Variants in MAP2K6 observed in about 807,000 individuals in gnomAD.
MAP2K6 encodes dual specificity mitogen-activated protein kinase kinase 6.
A neutral mutation model predicts 53.7 loss-of-function variants in MAP2K6; 16 were observed. That is an observed-to-expected ratio of 0.30 (90% CI 0.20 to 0.45). The LOEUF (loss-of-function observed/expected upper bound fraction) is 0.45. Ranked by LOEUF, MAP2K6 falls within the 20% of genes least tolerant of loss-of-function variation. The probability of loss-of-function intolerance (pLI) is 1.00; values close to 1 mark genes in which losing one functional copy is unlikely to be tolerated. For missense variants in MAP2K6, 204 were observed against 411.9 expected (o/e 0.50, Z 4.37); for synonymous variants, 132 against 143.1 (o/e 0.92, Z 0.55).
chr17:69,497,913 A>G (rs1909007441), intron 1 of MAP2K6, among the ~76,000 whole-genome samples: 1 of 152,236 alleles, frequency 6.6e-6, no homozygotes, highest in African/African-American at 2.4e-5. Flanking sequence ...TACCAAAATC[A>G]AAGGGCCACT....
chr17:69,465,263 G>A (rs1208621716), intron 1 of MAP2K6, among the ~76,000 whole-genome samples: 1 of 151,370 alleles, frequency 6.6e-6, no homozygotes, highest in Non-Finnish European at 1.5e-5. Context: ...ATGACTGCCT[G>A]GAACACAAAG....
At chr17:69,522,090 T>C (rs1361779944) in intron 7 of MAP2K6, among the ~76,000 whole-genome samples, 1 of 152,168 alleles carries the variant, frequency 6.6e-6, no homozygotes, top group Non-Finnish European at 1.5e-5. Context: ...GGGAAACTTC[T>C]GGGAAGAGAT....
At position 69,485,704 on chromosome 17, in the gene MAP2K6, A is replaced by G. The variant is rs143196078; in HGVS notation, c.17-20076A>G. On this transcript the variant is annotated intron_variant, in intron 1 of 11. Coordinates refer to ENST00000590474, the MANE Select transcript of MAP2K6 (RefSeq NM_002758.4). ...TTTCCTTCTTGTCTTAAAGAGAGAC[A>G]TCCTTCACTCCTGTCTCTGAGGCTA... Among the ~76,000 whole-genome samples the G allele has an allele frequency of 5.3e-4, 80 of 152,222 alleles. No homozygotes were observed. In the East Asian group the frequency reaches 0.014, roughly 28 times the overall value.
chr17:69,498,541 G>A (rs965155567), intron 1 of MAP2K6, among the ~76,000 whole-genome samples: 2 of 152,062 alleles, frequency 1.3e-5, no homozygotes, highest in African/African-American at 4.8e-5. Context: ...AGGATTGCAA[G>A]TGTGGCTTCA....
rs1220993158 is a variant in MAP2K6, at chr17:69,545,777, T to G, written c.*4024T>G. On this transcript the variant is annotated 3_prime_UTR_variant, in exon 12 of 12. Transcript: ENST00000590474. ...GACTCACGCCTGTAATCCCAGCACTTTGGGAGGCTGAGGCAGGTGGATCAC... is the reference window on the plus strand; with the variant it reads ...GACTCACGCCTGTAATCCCAGCACTGTGGGAGGCTGAGGCAGGTGGATCAC... 11 of 152,320 alleles carry G rather than the reference T, an allele frequency of 7.2e-5. No homozygotes were observed. The East Asian group carries it at 2.1e-3, about 29-fold the overall frequency. The allele number at this position is 152,320 out of a possible 1,614,324, so 9.4% of individuals were successfully genotyped here. A position where few individuals can be genotyped will look rare whatever the true frequency, so the allele number is the denominator to read the frequency against.
chr17:69,448,728 C>T (rs1205700987), intron 1 of MAP2K6, among the ~76,000 whole-genome samples: 1 of 152,166 alleles, frequency 6.6e-6, no homozygotes, highest in Non-Finnish European at 1.5e-5. Flanking sequence ...GGCCGGATGT[C>T]CTCCTGCTGC....
At chr17:69,470,214 C>A (rs1567829394) in intron 1 of MAP2K6, among the ~76,000 whole-genome samples, 1 of 152,044 alleles carries the variant, frequency 6.6e-6, no homozygotes, top group African/African-American at 2.4e-5. Context: ...AGAAAGAAAA[C>A]CATAAAGTAG....
intron 9 of MAP2K6, among the ~76,000 whole-genome samples, chr17:69,525,721 C>T (rs1338693470): frequency 1.3e-5 from 2 of 152,154 alleles, no homozygotes; most frequent in Non-Finnish European, 2.9e-5. Context: ...GGGGGAACCA[C>T]CCCCATGATT....
intron 1 of MAP2K6, among the ~76,000 whole-genome samples, chr17:69,482,010 C>T (rs542754452): frequency 1.1e-4 from 16 of 152,026 alleles, no homozygotes; most frequent in African/African-American, 3.4e-4. Context: ...TTTAAATGCC[C>T]GTAAAATTTC....
chr17:69,479,872 G>C (rs1223625000), intron 1 of MAP2K6, among the ~76,000 whole-genome samples: 1 of 151,884 alleles, frequency 6.6e-6, no homozygotes, highest in African/African-American at 2.4e-5. Flanking sequence ...AGTTGGGATT[G>C]CAGGCGCACA....
intron 1 of MAP2K6, among the ~76,000 whole-genome samples, chr17:69,439,036 G>A (rs1426770428): frequency 6.6e-6 from 1 of 152,188 alleles, no homozygotes; most frequent in East Asian, 1.9e-4. Flanking sequence ...TGATAGAGTT[G>A]AGTTATTGGC....
intron 1 of MAP2K6, among the ~76,000 whole-genome samples, chr17:69,464,167 C>G (rs971969557): frequency 9.2e-5 from 14 of 151,930 alleles, no homozygotes; most frequent in African/African-American, 3.4e-4. Flanking sequence ...TCACTGCTGC[C>G]TCTGCCTCCT....
chr17:69,510,583 C>G (rs1353877457), intron 2 of MAP2K6, among the ~76,000 whole-genome samples: 2 of 150,996 alleles, frequency 1.3e-5, no homozygotes, highest in Non-Finnish European at 2.9e-5. Context: ...GAAAATGAGC[C>G]TGGATTTTTT....
intron 1 of MAP2K6, among the ~76,000 whole-genome samples, chr17:69,461,730 A>C (rs1417887486): frequency 6.6e-6 from 1 of 152,172 alleles, no homozygotes; most frequent in Admixed American, 6.5e-5. Context: ...GGCCCTTTGC[A>C]TCCTCGTCCC....
intron 1 of MAP2K6, among the ~76,000 whole-genome samples, chr17:69,431,783 G>A (rs903295980): frequency 1.3e-5 from 2 of 152,134 alleles, no homozygotes; most frequent in African/African-American, 4.8e-5. Flanking sequence ...CAATCAACAT[G>A]CACATAGTTT....
At chr17:69,415,112 A>G in intron 1 of MAP2K6, 112 bp downstream of exon 1, 2 of 978,750 alleles carry the variant, frequency 2.0e-6, no homozygotes, top group South Asian at 2.8e-5. Flanking sequence ...GAGGTTTTCC[A>G]CAGCTCAGTT....
At position 69,538,379 on chromosome 17, in the gene MAP2K6, T is replaced by C. The variant is rs140926268; in HGVS notation, c.927+2219T>C. 4.5e-3 allele frequency among the ~76,000 whole-genome samples: 686 copies of C among 152,348 alleles called. 6 individuals are homozygous for C. The highest frequency in any genetic ancestry group is 0.016 in the African/African-American group (663 of 41,578). ...TGTGATATTTTATGGCCTACATATA[T>C]ATCAATGTTATAAAATCATGTCAGT... On this transcript the variant is annotated intron_variant, in intron 11 of 11. Coordinates refer to ENST00000590474, the MANE Select transcript of MAP2K6 (RefSeq NM_002758.4).
chr17:69,416,685 G>A (rs904066515), intron 1 of MAP2K6, among the ~76,000 whole-genome samples: 4 of 152,026 alleles, frequency 2.6e-5, no homozygotes, highest in Non-Finnish European at 4.4e-5. Context: ...TTTTTCCTTC[G>A]GGTTGGTGAA....
chr17:69,473,275 G>GT (rs1045033932), intron 1 of MAP2K6, among the ~76,000 whole-genome samples: 74 of 152,190 alleles, frequency 4.9e-4, no homozygotes, highest in Non-Finnish European at 1.8e-4. Context: ...ACTGAAAAAA[G>GT]TTTACAAAAA....
Sources: gnomAD v4.1 joint callset for allele counts (sites outside exome capture counted in the v4.1 genomes callset) on GRCh38, gnomAD v4.1.1 for gene constraint, MANE v1.5 for transcripts, NCBI Gene and HGNC (gene_info 2026-07-23, HGNC 2026-07-21) for gene names.